The following DNAH7 variants were observed in gnomAD, a reference collection of about 807,000 sequenced individuals.
DNAH7 encodes the protein axonemal beta dynein heavy chain 7.
In DNAH7, 397 loss-of-function variants were observed where a neutral mutation model predicts 444.6. That is an observed-to-expected ratio of 0.89 (90% CI 0.82 to 0.97). DNAH7 has a LOEUF of 0.97. Among genes scored for constraint, DNAH7 ranks in the 50% least tolerant of loss-of-function variants. The probability of loss-of-function intolerance (pLI) is 0.00; values close to 1 mark genes in which losing one functional copy is unlikely to be tolerated. For missense variants in DNAH7, 4,902 were observed against 4,800.8 expected (o/e 1.02, Z -0.62); for synonymous variants, 1,636 against 1,624.4 (o/e 1.01, Z -0.17).
At chr2:195,954,900 G>T (rs897463778) in intron 19 of DNAH7, among the ~76,000 whole-genome samples, 2 of 152,134 alleles carry the variant, frequency 1.3e-5, no homozygotes, top group Admixed American at 6.5e-5. Flanking sequence ...ATTTGTTGGA[G>T]TTCTTTGTAG....
intron 2 of DNAH7, 37 bp downstream of exon 2, chr2:196,058,017 T>G: frequency 7.2e-7 from 1 of 1,385,690 alleles, no homozygotes; most frequent in Non-Finnish European, 9.6e-7. Flanking sequence ...AACATTATCA[T>G]AAAGGAATGA....
intron 12 of DNAH7, among the ~76,000 whole-genome samples, chr2:195,996,512 G>C (rs1191771731): frequency 6.6e-6 from 1 of 150,390 alleles, no homozygotes; most frequent in African/African-American, 2.5e-5. Context: ...TGCAACCTCT[G>C]CCTCCTGGGT....
At chr2:195,784,997 C>T (rs1419441941) in intron 58 of DNAH7, among the ~76,000 whole-genome samples, 2 of 151,216 alleles carry the variant, frequency 1.3e-5, no homozygotes, top group South Asian at 4.2e-4. Context: ...CTGCAAGCTC[C>T]GCCTCCCGGT....
chr2:195,869,656 C>G (rs1700561291), intron 40 of DNAH7, among the ~76,000 whole-genome samples: 1 of 151,988 alleles, frequency 6.6e-6, no homozygotes, highest in Admixed American at 6.6e-5. Flanking sequence ...GCATCAATAT[C>G]TGGGGGAAAT....
chr2:195,996,137 T>A (rs1444397244), intron 12 of DNAH7, among the ~76,000 whole-genome samples: 2 of 151,898 alleles, frequency 1.3e-5, no homozygotes. Flanking sequence ...ATCATCATAA[T>A]CTTTAAACAC....
At chr2:195,914,771 C>T (rs1448061768) in intron 24 of DNAH7, among the ~76,000 whole-genome samples, 1 of 152,208 alleles carries the variant, frequency 6.6e-6, no homozygotes, top group Non-Finnish European at 1.5e-5. Context: ...TCAAGTGATT[C>T]TCCTGTCTCA....
At chr2:195,887,033 T>C (rs770182246) in intron 33 of DNAH7, among the ~76,000 whole-genome samples, 1 of 152,168 alleles carries the variant, frequency 6.6e-6, no homozygotes, top group African/African-American at 2.4e-5. Context: ...GACTAAGTAT[T>C]ACTGATGCAA....
At chr2:195,840,376 T>TA (rs1362226001) in intron 47 of DNAH7, among the ~76,000 whole-genome samples, 4 of 151,086 alleles carry the variant, frequency 2.6e-5, no homozygotes, top group South Asian at 4.2e-4. Flanking sequence ...ACAAAGGAGG[T>TA]AAAAAAACCT....
rs1221374934 is a variant in DNAH7 at position 195,864,863 on chromosome 2, G to A, written c.6792C>T (p.Asp2264=). 3.1e-6 allele frequency: 5 copies of A among 1,614,078 alleles called. No individual in the cohort carries two copies. The highest frequency in any genetic ancestry group is 4.2e-6 in the Non-Finnish European group (5 of 1,180,034). The change falls in exon 41 of 65, where the codon GAC becomes GAT. Residue 2264 remains aspartate, a synonymous_variant. Coordinates refer to ENST00000312428, the MANE Select transcript of DNAH7 (RefSeq NM_018897.3). ...FDNDGMVEAD[D]LRSLMFCDFH... ...AATCACAAAACATTAAGCTGCGTAA[G>A]TCATCTGCTTCCACCATGCCATCAT...
chr2:196,010,983 C>T lies in DNAH7; in HGVS notation c.989+1804G>A, dbSNP rs556108667. On this transcript the variant is annotated intron_variant, in intron 10 of 64. Coordinates refer to ENST00000312428, the MANE Select transcript of DNAH7 (RefSeq NM_018897.3). ...GTCATGGAGGTTGTAAGTAGAATGGCGGTTAAGAGAAGCTAGGAAGGGCAG... is the reference window on the plus strand; with the variant it reads ...GTCATGGAGGTTGTAAGTAGAATGGTGGTTAAGAGAAGCTAGGAAGGGCAG... Among the ~76,000 whole-genome samples the T allele has an allele frequency of 5.9e-5, 9 of 151,984 alleles. No homozygotes were observed. In the South Asian group the frequency reaches 8.3e-4, roughly 14 times the overall value.
chr2:195,894,971 C>T lies in DNAH7; in HGVS notation c.4896+5G>A, dbSNP rs1282668326. 6.3e-7 allele frequency: 1 copy of T among 1,596,452 alleles called. No homozygotes were observed. The highest frequency in any genetic ancestry group is 1.1e-5 in the South Asian group (1 of 87,442). ...AATAAATTAATGCATTAATAATATA[C>T]TTGCCTTTTCACATATATCATTTAG... On this transcript the variant is annotated splice_donor_5th_base_variant and intron_variant, in intron 30 of 64. Transcript: ENST00000312428.
intron 60 of DNAH7, among the ~76,000 whole-genome samples, chr2:195,772,937 C>T (rs915916506): frequency 1.3e-5 from 2 of 151,980 alleles, no homozygotes; most frequent in South Asian, 4.1e-4. Flanking sequence ...ACTGCTACCA[C>T]GCCTGGCTAA....
At chr2:195,871,375 T>G (rs528263507) in intron 40 of DNAH7, among the ~76,000 whole-genome samples, 1 of 152,140 alleles carries the variant, frequency 6.6e-6, no homozygotes, top group Non-Finnish European at 1.5e-5. Flanking sequence ...CATAGCTCAC[T>G]GCATCCTCAA....
intron 2 of DNAH7, among the ~76,000 whole-genome samples, chr2:196,052,075 A>T (rs1697509237): frequency 6.6e-6 from 1 of 152,204 alleles, no homozygotes; most frequent in South Asian, 2.1e-4. Flanking sequence ...CACAAGTCTC[A>T]CTTATACCAC....
At position 195,868,089 on chromosome 2, in the gene DNAH7, CT is replaced by C. The variant is rs58317384; in HGVS notation, c.6634-3069del. Among the ~76,000 whole-genome samples the C allele has an allele frequency of 9.7e-3, 985 of 101,080 alleles. 3 individuals carry two copies. The highest frequency in any genetic ancestry group is 0.034 in the East Asian group (118 of 3,454). 66.3% of individuals were successfully genotyped at this position (101,080 alleles called of 152,430 possible). ...TCACCAACACTGTTCTATTATTCAT[CT>C]TTTTTTTTTTTTTTTTTTTTTTTGA... On this transcript the variant is annotated intron_variant, in intron 40 of 64. Coordinates refer to ENST00000312428, the MANE Select transcript of DNAH7 (RefSeq NM_018897.3).
chr2:196,033,526 T>C (rs543726558), intron 5 of DNAH7, among the ~76,000 whole-genome samples: 1 of 152,210 alleles, frequency 6.6e-6, no homozygotes, highest in East Asian at 1.9e-4. Flanking sequence ...GTATTTTAGA[T>C]TAAACATATG....
chr2:195,988,302 G>A lies in DNAH7; in HGVS notation c.1354-73C>T, dbSNP rs527781828. The A allele has an allele frequency of 2.9e-5, 37 of 1,267,318 alleles. No homozygotes were observed. In the African/African-American group the frequency reaches 4.0e-4, roughly 14 times the overall value. The allele number at this position is 1,267,318 out of a possible 1,614,324, so 78.5% of individuals were successfully genotyped here. On this transcript the variant is annotated intron_variant, in intron 12 of 64. Coordinates refer to ENST00000312428, the MANE Select transcript of DNAH7 (RefSeq NM_018897.3). Reference sequence around the variant, plus strand: ...CTATATCATTTATCTTTGTACAAACGCCAATCTTACAATGTTTCTTGTCTT... The same window carrying A: ...CTATATCATTTATCTTTGTACAAACACCAATCTTACAATGTTTCTTGTCTT...
chr2:195,799,268 T>A lies in DNAH7; in HGVS notation c.10353+28A>T, dbSNP rs758524285. The A allele has an allele frequency of 1.0e-5, 15 of 1,453,026 alleles. No individual in the cohort carries two copies. In the East Asian group the frequency reaches 3.9e-4, roughly 37 times the overall value. 90.0% of individuals were successfully genotyped at this position (1,453,026 alleles called of 1,614,324 possible). ...CAAGTATTGCTTTTTTAAAATAATA[T>A]CCGATAACTTCATCTATTGTAAGGT... is the stretch of plus-strand genomic sequence containing the variant. On this transcript the variant is annotated intron_variant, in intron 55 of 64. Transcript: ENST00000312428.
intron 61 of DNAH7, among the ~76,000 whole-genome samples, chr2:195,763,078 A>G (rs12614677): frequency 0.012 from 1,873 of 152,316 alleles, 35 homozygotes; most frequent in East Asian, 0.07. Flanking sequence ...CTATACAAAT[A>G]CATGGAAATT....
Sources: allele counts gnomAD v4.1 joint callset (sites outside exome capture counted in the v4.1 genomes callset), GRCh38; gene constraint gnomAD v4.1.1; transcripts MANE v1.5; gene names NCBI Gene and HGNC (gene_info 2026-07-23, HGNC 2026-07-21).